Variants in CEP63 observed in about 807,000 individuals in gnomAD.
The protein encoded by CEP63 is centrosomal protein 63.
Under a neutral mutation model 89.1 loss-of-function variants are expected in CEP63, and 84 were observed. The ratio of observed to expected loss-of-function variants is 0.94; its 90% CI spans 0.79 to 1.13. The LOEUF is 1.13. Ranked by LOEUF, CEP63 falls within the 50% of genes most tolerant of loss-of-function variation. The pLI is 0.00. For missense variants in CEP63, 838 were observed against 813.3 expected (o/e 1.03, Z -0.37); for synonymous variants, 267 against 272.5 (o/e 0.98, Z 0.20).
intron 10 of CEP63, among the ~76,000 whole-genome samples, chr3:134,581,975 G>A (rs1402896390): frequency 6.6e-6 from 1 of 151,820 alleles, no homozygotes; most frequent in East Asian, 1.9e-4. Flanking sequence ...GCGCCCGGCC[G>A]AAAACATTTT....
chr3:134,706,082 G>A, the CEP63 span, among the ~76,000 whole-genome samples: 1 of 152,150 alleles, frequency 6.6e-6, no homozygotes, highest in Admixed American at 6.5e-5. Context: ...GTGGAAGTAG[G>A]GCTTAGTGGG....
the CEP63 span, among the ~76,000 whole-genome samples, chr3:134,744,908 T>C: frequency 3.3e-5 from 5 of 152,204 alleles, no homozygotes; most frequent in African/African-American, 1.2e-4. Context: ...ACCCTCATCT[T>C]TTCTAAAAAA....
the CEP63 span, among the ~76,000 whole-genome samples, chr3:134,767,605 A>G: frequency 6.6e-6 from 1 of 152,212 alleles, no homozygotes; most frequent in Non-Finnish European, 1.5e-5. Context: ...TCATTTTGCA[A>G]TGGGCCTTGT....
chr3:134,603,078 T>C, the CEP63 span: 1 of 152,646 alleles, frequency 6.6e-6, no homozygotes, highest in Non-Finnish European at 1.5e-5. Flanking sequence ...TAGTCCAAGA[T>C]TCCCTGGGGG....
the CEP63 span, among the ~76,000 whole-genome samples, chr3:134,683,060 T>C: frequency 1.3e-5 from 2 of 152,286 alleles, no homozygotes; most frequent in South Asian, 4.1e-4. Flanking sequence ...GTGGAAATGA[T>C]GAGATAGACT....
chr3:134,609,512 G>T, the CEP63 span, among the ~76,000 whole-genome samples: 1 of 152,164 alleles, frequency 6.6e-6, no homozygotes, highest in Non-Finnish European at 1.5e-5. Context: ...TGCAAAAATC[G>T]AGAGAGCACA....
At chr3:134,589,268 C>G (rs1353346649), downstream of CEP63, among the ~76,000 whole-genome samples, 1 of 152,148 alleles carries the variant, frequency 6.6e-6, no homozygotes, top group Non-Finnish European at 1.5e-5. Flanking sequence ...TACAGACTCT[C>G]TTATGAATAT....
intron 3 of CEP63, among the ~76,000 whole-genome samples, chr3:134,514,078 C>G (rs9985356): frequency 0.63 from 96,366 of 151,974 alleles, 31,270 homozygotes; most frequent in East Asian, 0.81. Flanking sequence ...TTGTCATTAT[C>G]ATGCACACAG....
chr3:134,592,121 G>C (rs1454392124), downstream of CEP63, among the ~76,000 whole-genome samples: 1 of 152,108 alleles, frequency 6.6e-6, no homozygotes, highest in Non-Finnish European at 1.5e-5. Flanking sequence ...ATCCTCACAG[G>C]AGCTGCTTCC....
At chr3:134,608,137 C>T in the CEP63 span, 1 of 1,134,744 alleles carries the variant, frequency 8.8e-7, no homozygotes, top group Non-Finnish European at 1.1e-6. Context: ...ACCACCAACA[C>T]CCAGATTCCA....
chr3:134,769,110 G>C, the CEP63 span, among the ~76,000 whole-genome samples: 16 of 150,306 alleles, frequency 1.1e-4, no homozygotes, highest in Non-Finnish European at 2.1e-4. Context: ...TGAAAGAAGT[G>C]TGATTTTTTT....
chr3:134,539,680 C>A (rs1426155202), intron 6 of CEP63, among the ~76,000 whole-genome samples: 16 of 151,860 alleles, frequency 1.1e-4, no homozygotes, highest in Non-Finnish European at 1.5e-5. Context: ...TGGATATTAA[C>A]CTACCCTCCA....
At chr3:134,727,527 TGAA>T in the CEP63 span, among the ~76,000 whole-genome samples, 12 of 152,146 alleles carry the variant, frequency 7.9e-5, no homozygotes, top group African/African-American at 2.7e-4. Flanking sequence ...GCAAGTGGGC[TGAA>T]GAAGGATAAA....
the CEP63 span, among the ~76,000 whole-genome samples, chr3:134,618,699 G>A: frequency 6.6e-6 from 1 of 152,182 alleles, no homozygotes; most frequent in Admixed American, 6.5e-5. Context: ...GCTTCGTAGT[G>A]ATTCAGCTGT....
chr3:134,506,778 C>T (rs567561209), intron 2 of CEP63, among the ~76,000 whole-genome samples: 1 of 151,884 alleles, frequency 6.6e-6, no homozygotes, highest in Non-Finnish European at 1.5e-5. Context: ...ATTAGCCGGG[C>T]ATGGTGGCGC....
chr3:134,508,267 C>G (rs1442738876), intron 3 of CEP63, among the ~76,000 whole-genome samples: 1 of 152,202 alleles, frequency 6.6e-6, no homozygotes, highest in Non-Finnish European at 1.5e-5. Context: ...CGTGGCAACA[C>G]TGGCTGTATC....
chr3:134,552,136 A>G (rs1489853920), intron 12 of CEP63, 124 bp downstream of exon 12: 2 of 585,474 alleles, frequency 3.4e-6, no homozygotes, highest in Non-Finnish European at 6.0e-6. Flanking sequence ...ATTTTCTCAA[A>G]GAAAATGAAG....
the CEP63 span, among the ~76,000 whole-genome samples, chr3:134,605,432 T>C: frequency 6.6e-5 from 10 of 152,128 alleles, no homozygotes; most frequent in African/African-American, 2.4e-4. Context: ...GGACTCTTGG[T>C]AGGGGAGGCA....
At chr3:134,672,022 A>C in the CEP63 span, among the ~76,000 whole-genome samples, 1 of 152,184 alleles carries the variant, frequency 6.6e-6, no homozygotes, top group Non-Finnish European at 1.5e-5. Flanking sequence ...GTCAAGTAAT[A>C]CCTCAACAAG....
Sources: gnomAD v4.1 joint callset for allele counts (sites outside exome capture counted in the v4.1 genomes callset) on GRCh38, gnomAD v4.1.1 for gene constraint, MANE v1.5 for transcripts, NCBI Gene and HGNC (gene_info 2026-07-23, HGNC 2026-07-21) for gene names.